The following POF1B variants were observed in gnomAD, a reference collection of about 807,000 sequenced individuals.
POF1B encodes protein POF1B.
POF1B carries 53 observed loss-of-function variants against 55.3 expected under a neutral mutation model. The ratio of observed to expected loss-of-function variants is 0.96; its 90% CI spans 0.77 to 1.20. POF1B has a LOEUF of 1.20. POF1B is among the 50% of genes most tolerant of loss of function. The pLI is 0.00. For missense variants in POF1B, 478 were observed against 420.5 expected, an observed-to-expected ratio of 1.14 and a Z score of -1.20; for synonymous variants, 188 against 148.3, an observed-to-expected ratio of 1.27 and a Z score of -1.95.
chrX:85,347,472 G>A (rs1031091496), intron 5 of POF1B, among the ~76,000 whole-genome samples: 23 of 110,945 alleles, frequency 2.1e-4, no homozygotes, highest in African/African-American at 7.5e-4. Flanking sequence ...GCTTTGATAT[G>A]CATAGACCAA....
chrX:85,360,998 T>C (rs1466264775), intron 3 of POF1B, among the ~76,000 whole-genome samples: 1 of 111,758 alleles, frequency 8.9e-6, no homozygotes, highest in East Asian at 2.8e-4. Context: ...TTTCTTTTCA[T>C]ATGCTTGTTG....
chrX:85,338,864 C>T (rs1269608221), intron 6 of POF1B, among the ~76,000 whole-genome samples: 1 of 111,063 alleles, frequency 9.0e-6, no homozygotes, highest in Non-Finnish European at 1.9e-5. Flanking sequence ...AAGTGAAAAG[C>T]GGATATGATT....
At chrX:85,312,862 T>A (rs928410856) in intron 9 of POF1B, among the ~76,000 whole-genome samples, 1 of 111,381 alleles carries the variant, frequency 9.0e-6, no homozygotes, top group African/African-American at 3.3e-5. Context: ...GAACAGTGGT[T>A]TGTAGCTCTC....
intron 6 of POF1B, among the ~76,000 whole-genome samples, chrX:85,342,060 G>C (rs188123858): frequency 5.7e-4 from 63 of 111,186 alleles, no homozygotes; most frequent in African/African-American, 2.0e-3. Context: ...GACTTCAGCT[G>C]AGCTGTTCCC....
At chrX:85,367,870 A>T (rs971101679) in intron 2 of POF1B, 104 bp from the exon 3 acceptor site, 1 of 490,429 alleles carries the variant, frequency 2.0e-6, no homozygotes, top group African/African-American at 2.5e-5. Context: ...CAGAAATAAG[A>T]GCATTATTTA....
intron 15 of POF1B, among the ~76,000 whole-genome samples, chrX:85,286,586 TAGAGTA>T (rs1183347424): frequency 8.1e-5 from 9 of 111,077 alleles, no homozygotes; most frequent in Non-Finnish European, 1.1e-4. Context: ...ACTAATAGAT[TAGAGTA>T]AAAGGATGGA....
chrX:85,346,123 A>G, intron 5 of POF1B, 81 bp from the exon 6 acceptor site: 1 of 728,071 alleles, frequency 1.4e-6, no homozygotes, highest in Non-Finnish European at 1.9e-6. Context: ...CCATTTTTTT[A>G]AACTTAATGT....
chrX:85,284,780 G>A (rs1432769382), intron 15 of POF1B, among the ~76,000 whole-genome samples: 1 of 111,647 alleles, frequency 9.0e-6, no homozygotes, highest in Non-Finnish European at 1.9e-5. Flanking sequence ...CAAAAGCAAT[G>A]GCAACAAAAG....
intron 4 of POF1B, 123 bp from the exon 5 acceptor site, chrX:85,351,574 G>T: frequency 8.8e-6 from 4 of 454,918 alleles, no homozygotes; most frequent in Non-Finnish European, 1.1e-5. Flanking sequence ...GAAGAGAGAG[G>T]AATGACATCC....
chrX:85,366,120 A>G (rs1933717177), intron 3 of POF1B, among the ~76,000 whole-genome samples: 1 of 112,235 alleles, frequency 8.9e-6, no homozygotes, highest in Non-Finnish European at 1.9e-5. Context: ...CCAAACTAGG[A>G]ATCAAACATA....
intron 16 of POF1B, among the ~76,000 whole-genome samples, chrX:85,281,575 G>C (rs749583721): frequency 1.0e-4 from 11 of 110,072 alleles, no homozygotes; most frequent in Non-Finnish European, 1.5e-4. Context: ...GGCCATTTTG[G>C]AGGATGTTGT....
At chrX:85,353,649 T>A (rs745327360) in intron 4 of POF1B, among the ~76,000 whole-genome samples, 4 of 110,818 alleles carry the variant, frequency 3.6e-5, no homozygotes, top group East Asian at 2.9e-4. Context: ...TACAAAAAAA[T>A]GTCTGGGTAG....
intron 15 of POF1B, among the ~76,000 whole-genome samples, chrX:85,285,177 A>G (rs1932019664): frequency 1.8e-5 from 2 of 111,567 alleles, no homozygotes; most frequent in Non-Finnish European, 3.8e-5. Context: ...ATGTGGAGAA[A>G]TAGGAATACT....
chrX:85,305,910 C>T lies in POF1B; in HGVS notation c.1318G>A (p.Val440Ile), dbSNP rs774212991. 2 of 1,203,443 alleles carry T rather than the reference C, an allele frequency of 1.7e-6. No individual in the cohort carries two copies. Among genetic ancestry groups the T allele is most frequent in the African/African-American group, 3.5e-5 (2 of 56,847 alleles). The change falls in exon 13 of 17, where the codon GTT (valine) becomes ATT (isoleucine). Residue 440 changes from valine to isoleucine, a missense_variant and splice_region_variant. Transcript: ENST00000262753. ...EQENQNLRMQ[V>I]SETCTGPMLQ... ...ATTGGGCCTGTGCAAGTCTCAGAAA[C>T]CTACAGAAGGCAAAATAACTATCTG...
chrX:85,305,825 C>T lies in POF1B; in HGVS notation c.1403G>A (p.Arg468Lys). ...NHYTEMVKNL[R>K]MEKDREICRL... ...GCAGATCTCTCTATCTTTCTCCATT[C>T]TCAAGTTTTTTACCATCTCCGTGTA... Residue 468 changes from arginine (R) to lysine (K), a missense_variant, in exon 13 of 17, where the codon AGA becomes AAA. Coordinates refer to ENST00000262753, the MANE Select transcript of POF1B (RefSeq NM_024921.4). 8.3e-7 allele frequency: 1 copy of T among 1,209,727 alleles called. No homozygotes were observed. Among genetic ancestry groups the T allele is most frequent in the Non-Finnish European group, 1.1e-6 (1 of 894,194 alleles).
chrX:85,356,219 A>G (rs774982791), intron 4 of POF1B, among the ~76,000 whole-genome samples: 47 of 108,867 alleles, frequency 4.3e-4, no homozygotes, highest in Non-Finnish European at 7.6e-4. Context: ...ACAAAAAACC[A>G]AACACCGCAT....
Position 85,306,258 on chromosome X carries a change from C to T in POF1B, c.1240G>A (p.Asp414Asn), listed in dbSNP as rs1932571945. 1 of 1,204,534 alleles carries T rather than the reference C, an allele frequency of 8.3e-7. No homozygotes were observed. The highest frequency in any genetic ancestry group is 1.8e-5 in the African/African-American group (1 of 57,082). ...NNLSLRHTLS[D>N]MEYRLKELEY... ...AGTTCTTTTAGTCTGTATTCCATGT[C>T]TGATAGTGTATGTCGAAGAGAGAGA... is the stretch of plus-strand genomic sequence containing the variant. The change falls in exon 12 of 17, where the codon GAC becomes AAC. Residue 414 changes from aspartate to asparagine, a missense_variant. Coordinates refer to ENST00000262753, the MANE Select transcript of POF1B (RefSeq NM_024921.4).
intron 2 of POF1B, among the ~76,000 whole-genome samples, chrX:85,378,724 G>C (rs1422523540): frequency 8.9e-6 from 1 of 111,921 alleles, no homozygotes; most frequent in African/African-American, 3.3e-5. Context: ...ACTATTTGCT[G>C]AGCACAAATA....
At chrX:85,281,958 T>C (rs1417937353) in intron 16 of POF1B, among the ~76,000 whole-genome samples, 2 of 110,590 alleles carry the variant, frequency 1.8e-5, no homozygotes, top group South Asian at 7.4e-4. Context: ...ATCACTAATG[T>C]TAATCTTCTT....
Sources: gnomAD v4.1 joint callset for allele counts (sites outside exome capture counted in the v4.1 genomes callset) on GRCh38, gnomAD v4.1.1 for gene constraint, MANE v1.5 for transcripts, NCBI Gene and HGNC (gene_info 2026-07-23, HGNC 2026-07-21) for gene names.